Variants in NRG1 observed in about 807,000 individuals in gnomAD.
The protein encoded by NRG1 is neuregulin 1, also known as pro-neuregulin-1, membrane-bound isoform.
Under a neutral mutation model 63.8 loss-of-function variants are expected in NRG1, and 18 were observed. That is an observed-to-expected ratio of 0.28 (90% CI 0.19 to 0.42). The LOEUF is 0.42. Among genes scored for constraint, NRG1 ranks in the 10% least tolerant of loss-of-function variants. The probability of loss-of-function intolerance (pLI) is 1.00; values close to 1 mark genes in which losing one functional copy is unlikely to be tolerated. For missense variants in NRG1, 762 were observed against 814.7 expected (o/e 0.94, Z 0.79); for synonymous variants, 302 against 301.3 (o/e 1.00, Z -0.02).
At chr8:32,028,409 G>T (rs950337889) in intron 1 of NRG1, among the ~76,000 whole-genome samples, 1 of 152,152 alleles carries the variant, frequency 6.6e-6, no homozygotes, top group African/African-American at 2.4e-5. Flanking sequence ...TGTTAAAATG[G>T]CAGGACAGAA....
At chr8:32,426,807 C>G (rs1441696309) in intron 1 of NRG1, among the ~76,000 whole-genome samples, 6 of 152,140 alleles carry the variant, frequency 3.9e-5, no homozygotes, top group Non-Finnish European at 7.3e-5. Flanking sequence ...TGACATACAC[C>G]GTAATGTCAG....
intron 11 of NRG1, among the ~76,000 whole-genome samples, chr8:32,762,494 C>T (rs1336674136): frequency 2.6e-5 from 4 of 152,004 alleles, no homozygotes; most frequent in African/African-American, 9.7e-5. Flanking sequence ...ATTTAAGTAC[C>T]CCCAAAGCCA....
At chr8:32,728,111 C>T (rs757586553) in intron 6 of NRG1, 33 bp downstream of exon 6, 1 of 1,610,440 alleles carries the variant, frequency 6.2e-7, no homozygotes, top group Non-Finnish European at 8.5e-7. Flanking sequence ...TCGCTTATGT[C>T]TATAACTCCT....
At chr8:32,630,483 A>G (rs1426218893) in intron 5 of NRG1, among the ~76,000 whole-genome samples, 1 of 152,230 alleles carries the variant, frequency 6.6e-6, no homozygotes, top group East Asian at 1.9e-4. Context: ...TAAAAGGTAT[A>G]TGCATTAAAC....
intron 1 of NRG1, among the ~76,000 whole-genome samples, chr8:31,795,365 T>A (rs1253747871): frequency 6.6e-6 from 1 of 151,992 alleles, no homozygotes; most frequent in East Asian, 1.9e-4. Context: ...GGTTGAGGAG[T>A]CATTCTGTTC....
At chr8:32,747,634 C>T (rs1827696930) in intron 7 of NRG1, among the ~76,000 whole-genome samples, 1 of 151,328 alleles carries the variant, frequency 6.6e-6, no homozygotes, top group Non-Finnish European at 1.5e-5. Context: ...GTACACTGGA[C>T]CCAAGGCAGA....
chr8:32,316,620 G>A (rs540513364), intron 1 of NRG1, among the ~76,000 whole-genome samples: 1 of 152,146 alleles, frequency 6.6e-6, no homozygotes, highest in East Asian at 1.9e-4. Context: ...TTTCATACAG[G>A]TTATTGTTTA....
At chr8:31,753,331 T>C (rs2131469297) in intron 1 of NRG1, among the ~76,000 whole-genome samples, 1 of 150,550 alleles carries the variant, frequency 6.6e-6, no homozygotes, top group Admixed American at 6.6e-5. Context: ...TGAAAATCAG[T>C]CATCAAAAAA....
chr8:32,698,447 T>C (rs1813944990), intron 5 of NRG1, among the ~76,000 whole-genome samples: 1 of 152,184 alleles, frequency 6.6e-6, no homozygotes, highest in African/African-American at 2.4e-5. Flanking sequence ...ATTTTGATAA[T>C]GTGCCCACAT....
intron 1 of NRG1, among the ~76,000 whole-genome samples, chr8:32,494,697 A>G (rs1267459586): frequency 2.0e-5 from 3 of 152,240 alleles, no homozygotes; most frequent in Non-Finnish European, 4.4e-5. Context: ...GTGAAAATTC[A>G]GCATTTAATG....
intron 1 of NRG1, among the ~76,000 whole-genome samples, chr8:31,703,689 A>G (rs1452222401): frequency 6.6e-6 from 1 of 152,176 alleles, no homozygotes; most frequent in Non-Finnish European, 1.5e-5. Context: ...AGTACAAGAA[A>G]CTGGTCTGTA....
intron 5 of NRG1, among the ~76,000 whole-genome samples, chr8:32,655,924 C>G: frequency 6.6e-6 from 1 of 152,078 alleles, no homozygotes; most frequent in East Asian, 1.9e-4. Context: ...AAGAACTTGG[C>G]TAGAAATACC....
intron 1 of NRG1, among the ~76,000 whole-genome samples, chr8:32,560,064 G>C (rs867339132): frequency 1.8e-4 from 27 of 151,914 alleles, no homozygotes; most frequent in Middle Eastern, 3.4e-3. Context: ...TTCAAGACTT[G>C]GTATAAATGC....
chr8:31,781,372 G>T (rs1257154404), intron 1 of NRG1, among the ~76,000 whole-genome samples: 1 of 152,102 alleles, frequency 6.6e-6, no homozygotes, highest in Non-Finnish European at 1.5e-5. Context: ...ATAGTCACTG[G>T]CATGACTTCT....
rs375057930 is a variant in NRG1, at chr8:32,364,495, G to A, written c.38-231333G>A. The stretch of plus-strand genomic sequence containing the variant: ...AGATGGTTCAAATTACACATATATA[G>A]ATAATTTTTCATGACTGATTTTTAA... On this transcript the variant is annotated intron_variant, in intron 1 of 10. Coordinates refer to the NRG1 transcript ENST00000519301. Among the ~76,000 whole-genome samples the A allele has an allele frequency of 2.6e-4, 39 of 152,084 alleles. No homozygotes were observed. The South Asian group carries it at 4.2e-3, about 16-fold the overall frequency.
At chr8:32,033,280 G>A (rs1818556688) in intron 1 of NRG1, among the ~76,000 whole-genome samples, 1 of 151,866 alleles carries the variant, frequency 6.6e-6, no homozygotes, top group Admixed American at 6.6e-5. Context: ...TTATTTCTGA[G>A]TTCTCTATTC....
intron 1 of NRG1, among the ~76,000 whole-genome samples, chr8:32,568,962 GA>G (rs58218932): frequency 0.94 from 137,635 of 146,796 alleles, 64,983 homozygotes; most frequent in East Asian, 1. Context: ...CCTTGAAATG[GA>G]AAAAAAAAAA....
At chr8:32,034,661 A>G (rs1818764423) in intron 1 of NRG1, among the ~76,000 whole-genome samples, 1 of 152,092 alleles carries the variant, frequency 6.6e-6, no homozygotes, top group Non-Finnish European at 1.5e-5. Flanking sequence ...TCAACTTCTT[A>G]CTGGTTCAGT....
intron 1 of NRG1, among the ~76,000 whole-genome samples, chr8:32,417,705 A>T (rs1221606002): frequency 1.8e-5 from 2 of 111,940 alleles, no homozygotes; most frequent in Non-Finnish European, 1.7e-5. Context: ...TATTCTCAAG[A>T]TTTGTTCTAG....
Sources: allele counts gnomAD v4.1 joint callset (sites outside exome capture counted in the v4.1 genomes callset), GRCh38; gene constraint gnomAD v4.1.1; transcripts MANE v1.5; gene names NCBI Gene and HGNC (gene_info 2026-07-23, HGNC 2026-07-21).